Variants in FCRL5 observed in about 807,000 individuals in gnomAD.
FCRL5 encodes Fc receptor like 5.
In FCRL5, 79 loss-of-function variants were observed where a neutral mutation model predicts 92.1. The ratio of observed to expected loss-of-function variants is 0.86; its 90% CI spans 0.72 to 1.03. FCRL5 has a LOEUF of 1.03. Among genes scored for constraint, FCRL5 ranks in the 50% least tolerant of loss-of-function variants. FCRL5 has a pLI of 0.00. For missense variants in FCRL5, 1,160 were observed against 1,181.1 expected (o/e 0.98, Z 0.26); for synonymous variants, 466 against 469.3 (o/e 0.99, Z 0.09).
Position 157,527,731 on chromosome 1 carries a change from C to T in FCRL5, c.1846G>A (p.Gly616Arg), listed in dbSNP as rs571011576. ...AGAGAGAGGTTGAAAGAAGCTTCTC[C>T]TCCAGAGGGGGCTGAGCTGCTCCCC... is the stretch of plus-strand genomic sequence containing the variant. Reference protein sequence around the residue: ...TLGSSSAPSGGEASFNLSLTA... With the variant: ...TLGSSSAPSGREASFNLSLTA... The change falls in exon 9 of 17, where the codon GGA becomes AGA. Residue 616 changes from glycine to arginine, a missense_variant. Transcript: ENST00000361835. The T allele has an allele frequency of 9.3e-6, 15 of 1,614,200 alleles. No homozygotes were observed. The highest frequency in any genetic ancestry group is 1.7e-5 in the Admixed American group (1 of 60,030).
At position 157,534,816 on chromosome 1, in the gene FCRL5, G is replaced by A; in HGVS notation, c.1479C>T (p.His493=). Residue 493 remains histidine, a synonymous_variant, in exon 8 of 17, where the codon CAC becomes CAT. Transcript: ENST00000361835. ...GTGGGGAACCTCTCTGGACTTCACA[G>A]TGAAGTGTCACAGTGGCTCCTTCAA... is the stretch of plus-strand genomic sequence containing the variant. ...LTFEGATVTL[H]CEVQRGSPQI... 6.2e-7 allele frequency: 1 copy of A among 1,605,938 alleles called. No individual in the cohort carries two copies.
rs776646352 is a variant in FCRL5, at chr1:157,534,488, G to C, written c.1681+126C>G. On this transcript the variant is annotated intron_variant, in intron 8 of 16. Transcript: ENST00000361835. ...GGAAAACCCCAGCTAGTTAGTTGAG[G>C]AGGAAGCCAAGAAGGGGATTAAGTT... The C allele has an allele frequency of 1.1e-5, 13 of 1,156,414 alleles. No homozygotes were observed. In the South Asian group the frequency reaches 1.7e-4, roughly 15 times the overall value. 71.6% of individuals were successfully genotyped at this position (1,156,414 alleles called of 1,614,324 possible). A position where few individuals can be genotyped will look rare whatever the true frequency, so the allele number is the denominator to read the frequency against.
chr1:157,547,366 C>T (rs752892641), intron 2 of FCRL5, 169 bp from the exon 3 acceptor site: 6 of 880,180 alleles, frequency 6.8e-6, no homozygotes, highest in Non-Finnish European at 1.9e-6. Context: ...CCTCACCTCA[C>T]CCAAGGGAGA....
At position 157,539,811 on chromosome 1, in the gene FCRL5, C is replaced by T. The variant is rs1417465122; in HGVS notation, c.1124-447G>A. 2.0e-5 allele frequency among the ~76,000 whole-genome samples: 3 copies of T among 152,172 alleles called. No individual in the cohort carries two copies. In the South Asian group the frequency reaches 6.2e-4, roughly 32 times the overall value. On this transcript the variant is annotated intron_variant, in intron 6 of 16. Coordinates refer to ENST00000361835, the MANE Select transcript of FCRL5 (RefSeq NM_031281.3). ...GAAGACAGAAGTGACTATTCCTCTGCCCCTCTCTCACATGTAAATTGTGTA... is the reference window on the plus strand; with the variant it reads ...GAAGACAGAAGTGACTATTCCTCTGTCCCTCTCTCACATGTAAATTGTGTA...
chr1:157,516,751 G>A (rs1403620053), intron 15 of FCRL5, among the ~76,000 whole-genome samples: 1 of 152,206 alleles, frequency 6.6e-6, no homozygotes, highest in Non-Finnish European at 1.5e-5. Context: ...GGCTTGGAAT[G>A]AGCATCAGGA....
intron 3 of FCRL5, among the ~76,000 whole-genome samples, chr1:157,546,589 G>C (rs974344807): frequency 6.6e-6 from 1 of 152,076 alleles, no homozygotes; most frequent in African/African-American, 2.4e-5. Flanking sequence ...AATATAAATT[G>C]CTGGACCCCA....
At chr1:157,539,469 A>G in intron 6 of FCRL5, 105 bp from the exon 7 acceptor site, 1 of 1,086,874 alleles carries the variant, frequency 9.2e-7, no homozygotes, top group Non-Finnish European at 1.3e-6. Context: ...GCCAAAGGGA[A>G]AAGTCAAGCT....
rs947697653 is a variant in FCRL5 at position 157,552,394 on chromosome 1, AAG to A, written c.-34_-33del. 2 of 1,613,692 alleles carry A rather than the reference AAG, an allele frequency of 1.2e-6. No individual in the cohort carries two copies. The highest frequency in any genetic ancestry group is 2.7e-5 in the African/African-American group (2 of 74,908). On this transcript the variant is annotated 5_prime_UTR_variant, in exon 1 of 17. Transcript: ENST00000361835. ...CTGGACCACCAAGGGCTGAGATCAA[AAG>A]AGAAGTTTCCTCAATTCCAAAACAG...
intron 3 of FCRL5, 86 bp downstream of exon 3, chr1:157,546,857 G>A (rs1651561221): frequency 1.3e-6 from 2 of 1,493,126 alleles, no homozygotes; most frequent in Admixed American, 4.0e-5. Flanking sequence ...ACTCATGAAG[G>A]GTCTGAGGTA....
At chr1:157,520,002 A>G (rs1186073544) in intron 12 of FCRL5, among the ~76,000 whole-genome samples, 3 of 152,168 alleles carry the variant, frequency 2.0e-5, no homozygotes, top group African/African-American at 7.2e-5. Flanking sequence ...TAACCTGGAG[A>G]TTTTAAAGAT....
In FCRL5 at chr1:157,527,890, C is replaced by G; in HGVS notation, c.1687G>C (p.Val563Leu). 1 of 1,565,234 alleles carries G rather than the reference C, an allele frequency of 6.4e-7. No individual in the cohort carries two copies. The highest frequency in any genetic ancestry group is 8.6e-7 in the Non-Finnish European group (1 of 1,158,828). ...CTGAGGGTGAGGATGGGGCGAGACA[C>G]TGGAACTGAGAGAGAAAATGAGTTA... ...EVVSLFVTVP[V>L]SRPILTLRVP... The change falls in exon 9 of 17, where the codon GTG becomes CTG. Residue 563 changes from valine (V) to leucine (L), a missense_variant. By Grantham distance (32) the Val-to-Leu change is conservative. Coordinates refer to ENST00000361835, the MANE Select transcript of FCRL5 (RefSeq NM_031281.3).
Position 157,520,442 on chromosome 1 carries a change from G to T in FCRL5, c.2621C>A (p.Ser874Ter). 3 of 1,573,980 alleles carry T rather than the reference G, an allele frequency of 1.9e-6. No homozygotes were observed. Among genetic ancestry groups the T allele is most frequent in the Admixed American group, 1.8e-5 (1 of 54,550 alleles). Residue 874 changes from serine (S) to a stop codon, truncating the protein, a stop_gained, in exon 12 of 17, where the codon TCG becomes TAG. Transcript: ENST00000361835. LOFTEE classifies it high-confidence loss of function. ...CCAGAGTCACCCACCTGCTTTTCTC[G>T]AGAGCCAGCAGTAGAGCAGCAGTGC... Reference protein sequence around the residue: ...AGALLLYCWLSRKAGRKPASD... With the variant: ...AGALLLYCWL
At position 157,539,138 on chromosome 1, in the gene FCRL5, A is replaced by G. The variant is rs1422053017; in HGVS notation, c.1350T>C (p.Ala450=). 25 of 1,614,208 alleles carry G rather than the reference A, an allele frequency of 1.5e-5. No individual in the cohort carries two copies. The highest frequency in any genetic ancestry group is 1.9e-5 in the Non-Finnish European group (23 of 1,180,038). The change falls in exon 7 of 17, where the codon GCT becomes GCC. Residue 450 remains alanine, a synonymous_variant. Coordinates refer to ENST00000361835, the MANE Select transcript of FCRL5 (RefSeq NM_031281.3). ...TGCGCTGGGGGCCAAAGCCATTGTC[A>G]GCTGTGCAGTAGTAGTTCCCTGAAT... ...AEHSGNYYCT[A]DNGFGPQRSK...
At chr1:157,542,364 CA>C (rs1306537422) in intron 6 of FCRL5, 4 of 154,606 alleles carry the variant, frequency 2.6e-5, no homozygotes, top group Non-Finnish European at 5.7e-5. Context: ...TACTGCCCAT[CA>C]ACTCTAAAAA....
rs1284967861 is a variant in FCRL5, at chr1:157,544,459, G to A, written c.647C>T (p.Ser216Phe). 1.9e-6 allele frequency: 3 copies of A among 1,614,218 alleles called. No homozygotes were observed. Among genetic ancestry groups the A allele is most frequent in the Non-Finnish European group, 2.5e-6 (3 of 1,180,040 alleles). The change falls in exon 5 of 17, where the codon TCT becomes TTT. Residue 216 changes from serine (S) to phenylalanine (F), a missense_variant. Ser to Phe is a radical substitution (Grantham distance 155, BLOSUM62 -2). Transcript: ENST00000361835. ...PVTLTCETQL[S>F]LERSDVPLRF... ...GAGCGGGACATCTGACCTCTCTAGA[G>A]AGAGCTGGGTCTCACAGGTCAGGGT... is the stretch of plus-strand genomic sequence containing the variant.
At chr1:157,536,172 C>T (rs1650963465) in intron 7 of FCRL5, among the ~76,000 whole-genome samples, 1 of 152,010 alleles carries the variant, frequency 6.6e-6, no homozygotes, top group Admixed American at 6.5e-5. Flanking sequence ...AAACTCCTGA[C>T]CTCAGGTGAT....
intron 3 of FCRL5, among the ~76,000 whole-genome samples, chr1:157,546,503 A>ACCAAACCAAACCAAACC (rs1651546587): frequency 6.7e-6 from 1 of 150,110 alleles, no homozygotes; most frequent in Non-Finnish European, 1.5e-5. Flanking sequence ...ACCAAACCAA[A>ACCAAACCAAACCAAACC]AAGCTATACA....
intron 2 of FCRL5, 61 bp downstream of exon 2, chr1:157,549,499 T>C (rs373282860): frequency 1.9e-5 from 28 of 1,485,370 alleles, no homozygotes; most frequent in Admixed American, 8.1e-5. Context: ...ATGTTTTCTA[T>C]TTATTAGGAA....
At chr1:157,520,029 A>G (rs527511661) in intron 12 of FCRL5, among the ~76,000 whole-genome samples, 12 of 152,222 alleles carry the variant, frequency 7.9e-5, no homozygotes, top group Non-Finnish European at 1.2e-4. Context: ...CAAGGCAGGA[A>G]AACAGACTTG....
Sources: allele counts gnomAD v4.1 joint callset (sites outside exome capture counted in the v4.1 genomes callset), GRCh38; gene constraint gnomAD v4.1.1; transcripts MANE v1.5; gene names NCBI Gene and HGNC (gene_info 2026-07-23, HGNC 2026-07-21).